Variants in RPS6KA5 observed in about 807,000 individuals in gnomAD.
RPS6KA5 encodes the protein ribosomal protein S6 kinase A5, also known as ribosomal protein S6 kinase alpha-5.
RPS6KA5 carries 27 observed loss-of-function variants against 85.5 expected under a neutral mutation model. The ratio of observed to expected loss-of-function variants is 0.32; its 90% CI spans 0.23 to 0.44. RPS6KA5 has a LOEUF of 0.44. RPS6KA5 is among the 20% of genes least tolerant of loss of function. The pLI is 1.00. For synonymous variants in RPS6KA5, 334 were observed against 348.2 expected (o/e 0.96, Z 0.46); for missense variants, 811 against 980.9 (o/e 0.83, Z 2.31).
chr14:91,032,330 C>T (rs978012309), intron 1 of RPS6KA5, among the ~76,000 whole-genome samples: 2 of 152,196 alleles, frequency 1.3e-5, no homozygotes, highest in Non-Finnish European at 2.9e-5. Flanking sequence ...GGGGCTTGGG[C>T]TTCCTGGCTC....
intron 1 of RPS6KA5, chr14:91,052,383 A>ATGG (rs1450204053): frequency 1.8e-5 from 7 of 392,180 alleles, no homozygotes; most frequent in African/African-American, 4.6e-5. Context: ...CAGGAGAATC[A>ATGG]CTTGAACCCA....
chr14:90,875,359 T>C lies in RPS6KA5; in HGVS notation c.1838A>G (p.Tyr613Cys), dbSNP rs182308463. 389 of 1,610,932 alleles carry C rather than the reference T, an allele frequency of 2.4e-4. No homozygotes were observed. Among genetic ancestry groups the C allele is most frequent in the Non-Finnish European group, 3.1e-4 (365 of 1,178,162 alleles). ...GGGAACCTGTCCTGACAACATTGTG[T>C]ACTATCAGGGAAAAAGTAACAAAAC... is the stretch of plus-strand genomic sequence containing the variant. The part of the protein sequence containing the change: ...CDLWSLGVIL[Y>C]TMLSGQVPFQ... The change falls in exon 15 of 17, where the codon TAC becomes TGC. Residue 613 changes from tyrosine to cysteine, a missense_variant and splice_region_variant. Tyr to Cys is a radical substitution (Grantham distance 194). Coordinates refer to ENST00000614987, the MANE Select transcript of RPS6KA5 (RefSeq NM_004755.4).
chr14:90,983,579 C>A (rs1429129979), intron 2 of RPS6KA5, among the ~76,000 whole-genome samples: 1 of 148,636 alleles, frequency 6.7e-6, no homozygotes, highest in African/African-American at 2.5e-5. Context: ...CCAGCCTGGG[C>A]AACAGGGCAA....
At chr14:90,936,940 A>C (rs2037290608) in intron 5 of RPS6KA5, among the ~76,000 whole-genome samples, 1 of 152,158 alleles carries the variant, frequency 6.6e-6, no homozygotes, top group Non-Finnish European at 1.5e-5. Flanking sequence ...GAAAGTGTCA[A>C]GTGGAGATAA....
chr14:90,974,344 G>C (rs1417877752), intron 3 of RPS6KA5, among the ~76,000 whole-genome samples: 1 of 152,148 alleles, frequency 6.6e-6, no homozygotes, highest in Admixed American at 6.5e-5. Context: ...GATACTATAA[G>C]GACACAACCA....
chr14:90,988,732 G>A (rs1353716304), intron 2 of RPS6KA5, among the ~76,000 whole-genome samples: 1 of 152,156 alleles, frequency 6.6e-6, no homozygotes, highest in Non-Finnish European at 1.5e-5. Context: ...AGCATTGCTT[G>A]AATCCGGGAG....
At chr14:90,965,353 G>T (rs973038510) in intron 3 of RPS6KA5, among the ~76,000 whole-genome samples, 1 of 152,118 alleles carries the variant, frequency 6.6e-6, no homozygotes, top group South Asian at 2.1e-4. Context: ...CAGCCTGAGC[G>T]ACAGAGCGAG....
chr14:90,969,764 C>A (rs1000549991), intron 3 of RPS6KA5, among the ~76,000 whole-genome samples: 5 of 152,152 alleles, frequency 3.3e-5, no homozygotes, highest in Admixed American at 3.3e-4. Context: ...CTTAGAATTT[C>A]TCTCTCTCAT....
intron 1 of RPS6KA5, among the ~76,000 whole-genome samples, chr14:91,006,539 C>G (rs1420274380): frequency 6.6e-6 from 1 of 152,156 alleles, no homozygotes; most frequent in Non-Finnish European, 1.5e-5. Context: ...TGCAAGGACA[C>G]AAGAAGACTG....
intron 1 of RPS6KA5, among the ~76,000 whole-genome samples, chr14:91,028,855 T>A (rs2042080517): frequency 6.6e-6 from 1 of 152,208 alleles, no homozygotes; most frequent in Non-Finnish European, 1.5e-5. Context: ...TACACGCACA[T>A]GGGTTTACTT....
At chr14:90,996,695 T>C (rs1037569834) in intron 2 of RPS6KA5, among the ~76,000 whole-genome samples, 2 of 152,042 alleles carry the variant, frequency 1.3e-5, no homozygotes, top group African/African-American at 2.4e-5. Flanking sequence ...TTGCTTTTGA[T>C]AAAAAACATA....
chr14:90,987,874 A>T (rs952931461), intron 2 of RPS6KA5, among the ~76,000 whole-genome samples: 1 of 152,222 alleles, frequency 6.6e-6, no homozygotes, highest in Non-Finnish European at 1.5e-5. Context: ...CCAAGGTTTC[A>T]TAAACTCACA....
In RPS6KA5 at chr14:90,962,658, G is replaced by A. The variant is rs1440602777; in HGVS notation, c.395-15108C>T. Among the ~76,000 whole-genome samples the A allele has an allele frequency of 3.3e-5, 5 of 151,650 alleles. No individual in the cohort carries two copies. In the East Asian group the frequency reaches 7.8e-4, roughly 24 times the overall value. On this transcript the variant is annotated intron_variant, in intron 3 of 16. Coordinates refer to ENST00000614987, the MANE Select transcript of RPS6KA5 (RefSeq NM_004755.4). ...CTGGAGTGCAGTATGAACCCTGGGCGGTTTTCTCGAAAAAAGTACTGTACC... is the reference window on the plus strand; with the variant it reads ...CTGGAGTGCAGTATGAACCCTGGGCAGTTTTCTCGAAAAAAGTACTGTACC...
intron 2 of RPS6KA5, among the ~76,000 whole-genome samples, chr14:90,987,853 C>T (rs2040124951): frequency 6.6e-6 from 1 of 152,186 alleles, no homozygotes; most frequent in African/African-American, 2.4e-5. Context: ...TATACTTTGC[C>T]AGCACTCACT....
intron 3 of RPS6KA5, among the ~76,000 whole-genome samples, chr14:90,955,380 G>A (rs76795461): frequency 0.033 from 4,989 of 152,220 alleles, 277 homozygotes; most frequent in African/African-American, 0.12. Context: ...AGATTTTCCT[G>A]AGTAGCTAGG....
At chr14:91,020,533 ACTGTGTGTGTGTGTGT>A (rs1210268733) in intron 1 of RPS6KA5, among the ~76,000 whole-genome samples, 12 of 77,486 alleles carry the variant, frequency 1.5e-4, no homozygotes, top group South Asian at 1.4e-3. Flanking sequence ...CTAAGGAATG[ACTGTGTGTGTGTGTGT>A]GTGTGTGTGT....
intron 8 of RPS6KA5, 120 bp downstream of exon 8, chr14:90,906,029 G>A (rs941714768): frequency 2.5e-5 from 24 of 965,690 alleles, no homozygotes; most frequent in Middle Eastern, 2.3e-4. Context: ...TGCAATGTAC[G>A]TGAAAATGCC....
chr14:90,962,971 T>TA, intron 3 of RPS6KA5, among the ~76,000 whole-genome samples: 1 of 152,204 alleles, frequency 6.6e-6, no homozygotes. Context: ...TTAACCACGA[T>TA]AAAAATACCA....
At chr14:91,000,516 G>T (rs11846896) in intron 2 of RPS6KA5, among the ~76,000 whole-genome samples, 2,727 of 152,210 alleles carry the variant, frequency 0.018, 64 homozygotes, top group African/African-American at 0.063. Context: ...TTGTGTCCTG[G>T]CTGGGCGCAG....
Sources: allele counts gnomAD v4.1 joint callset (sites outside exome capture counted in the v4.1 genomes callset), GRCh38; gene constraint gnomAD v4.1.1; transcripts MANE v1.5; gene names NCBI Gene and HGNC (gene_info 2026-07-23, HGNC 2026-07-21).